The following VPS41 variants were observed in gnomAD, a reference collection of about 807,000 sequenced individuals.
The protein encoded by VPS41 is VPS41 subunit of HOPS complex.
VPS41 carries 85 observed loss-of-function variants against 130.9 expected under a neutral mutation model. The observed-to-expected ratio is 0.65, with a 90% CI of 0.55 to 0.78. The LOEUF is 0.78. Among genes scored for constraint, VPS41 ranks in the 30% least tolerant of loss-of-function variants. The pLI is 0.00. For missense variants in VPS41, 874 were observed against 1,018.7 expected, an observed-to-expected ratio of 0.86 and a Z score of 1.93; for synonymous variants, 335 against 332.9, an observed-to-expected ratio of 1.01 and a Z score of -0.07.
intron 7 of VPS41, among the ~76,000 whole-genome samples, chr7:38,805,661 C>T (rs546614640): frequency 6.6e-6 from 1 of 152,136 alleles, no homozygotes; most frequent in African/African-American, 2.4e-5. Context: ...CTTACCATCT[C>T]TATGAAAAAC....
chr7:38,903,483 T>C (rs915044510), intron 1 of VPS41, among the ~76,000 whole-genome samples: 3 of 152,008 alleles, frequency 2.0e-5, no homozygotes, highest in Non-Finnish European at 4.4e-5. Context: ...ACTCCAAACT[T>C]TGCAGGAGGG....
intron 4 of VPS41, among the ~76,000 whole-genome samples, chr7:38,850,225 A>G (rs1483604526): frequency 6.6e-6 from 1 of 152,186 alleles, no homozygotes; most frequent in Non-Finnish European, 1.5e-5. Flanking sequence ...TGCCAAGTTG[A>G]TGGTTATAAA....
intron 5 of VPS41, among the ~76,000 whole-genome samples, chr7:38,821,911 G>A (rs1785179822): frequency 1.3e-5 from 2 of 151,926 alleles, no homozygotes; most frequent in African/African-American, 2.4e-5. Flanking sequence ...ACTTCCATAA[G>A]CTGTCCCTAA....
chr7:38,859,982 T>C (rs1009264065), intron 4 of VPS41, among the ~76,000 whole-genome samples: 1 of 152,234 alleles, frequency 6.6e-6, no homozygotes, highest in African/African-American at 2.4e-5. Context: ...TTCTTTCAAA[T>C]ATTCTGAAAT....
intron 4 of VPS41, among the ~76,000 whole-genome samples, chr7:38,832,265 A>G: frequency 6.9e-6 from 1 of 145,864 alleles, no homozygotes; most frequent in East Asian, 2.0e-4. Flanking sequence ...GATGGTTATT[A>G]CTTTATTTCT....
chr7:38,829,210 G>T (rs1785337340), intron 5 of VPS41, among the ~76,000 whole-genome samples: 1 of 152,172 alleles, frequency 6.6e-6, no homozygotes, highest in African/African-American at 2.4e-5. Context: ...AAAAGCACTA[G>T]TGTTCCAATT....
At chr7:38,842,806 G>A (rs1010896483) in intron 4 of VPS41, among the ~76,000 whole-genome samples, 3 of 152,300 alleles carry the variant, frequency 2.0e-5, no homozygotes, top group South Asian at 2.1e-4. Flanking sequence ...CTGCAGGATG[G>A]CATACCCCTC....
chr7:38,893,509 A>G (rs1786910580), intron 2 of VPS41, among the ~76,000 whole-genome samples: 1 of 152,258 alleles, frequency 6.6e-6, no homozygotes, highest in Non-Finnish European at 1.5e-5. Flanking sequence ...AAGATAATGT[A>G]CTTCTTTGTT....
chr7:38,821,620 T>C (rs181177135), intron 5 of VPS41, among the ~76,000 whole-genome samples: 72 of 149,732 alleles, frequency 4.8e-4, no homozygotes, highest in Non-Finnish European at 1.2e-4. Context: ...GATAGGAGAA[T>C]TGCTTGAACC....
intron 10 of VPS41, among the ~76,000 whole-genome samples, chr7:38,788,458 C>A (rs191478697): frequency 6.6e-6 from 1 of 152,276 alleles, no homozygotes; most frequent in African/African-American, 2.4e-5. Flanking sequence ...CAGCACAATG[C>A]CCTCCACCTA....
chr7:38,906,502 CTAATTTTTG>C (rs1169805514), intron 1 of VPS41, among the ~76,000 whole-genome samples: 1 of 152,100 alleles, frequency 6.6e-6, no homozygotes, highest in Non-Finnish European at 1.5e-5. Flanking sequence ...CCATGCCTGG[CTAATTTTTG>C]TAATTTTTGT....
chr7:38,860,151 G>T (rs1786074730), intron 4 of VPS41, among the ~76,000 whole-genome samples: 1 of 152,126 alleles, frequency 6.6e-6, no homozygotes, highest in Non-Finnish European at 1.5e-5. Flanking sequence ...TTTACAAAAT[G>T]ATCTCTGAAC....
At chr7:38,774,318 C>A in intron 11 of VPS41, 74 bp from the exon 12 acceptor site, 1 of 1,358,418 alleles carries the variant, frequency 7.4e-7, no homozygotes. Context: ...TCTAGTTAGC[C>A]ATACATATTA....
At chr7:38,857,418 T>C (rs924070610) in intron 4 of VPS41, among the ~76,000 whole-genome samples, 6 of 152,238 alleles carry the variant, frequency 3.9e-5, no homozygotes, top group African/African-American at 1.4e-4. Flanking sequence ...TAGAAATTTA[T>C]GTTTGATCAG....
At chr7:38,813,532 G>A (rs2116078394) in intron 7 of VPS41, among the ~76,000 whole-genome samples, 1 of 152,230 alleles carries the variant, frequency 6.6e-6, no homozygotes, top group South Asian at 2.1e-4. Context: ...TGCAAATTAT[G>A]TATCAATAAA....
chr7:38,758,270 C>T (rs1005178966), intron 18 of VPS41, 84 bp downstream of exon 18: 201 of 1,280,232 alleles, frequency 1.6e-4, no homozygotes, highest in Middle Eastern at 5.0e-4. Flanking sequence ...TACATCTTCT[C>T]CACTTGGAGT....
chr7:38,805,376 T>C (rs751183404), intron 7 of VPS41, among the ~76,000 whole-genome samples: 2 of 151,786 alleles, frequency 1.3e-5, no homozygotes, highest in Non-Finnish European at 2.9e-5. Context: ...CTACTAAAAA[T>C]ACAAAAATTA....
intron 4 of VPS41, among the ~76,000 whole-genome samples, chr7:38,842,702 T>C (rs1037359870): frequency 6.6e-6 from 1 of 152,228 alleles, no homozygotes; most frequent in Non-Finnish European, 1.5e-5. Context: ...AGGCCATGCA[T>C]AGCCTCTGTC....
chr7:38,815,656 A>G (rs1785033204), intron 7 of VPS41, among the ~76,000 whole-genome samples: 2 of 152,170 alleles, frequency 1.3e-5, no homozygotes, highest in African/African-American at 4.8e-5. Context: ...CCCACCCTCA[A>G]TCTGCATGGG....
Sources: allele counts gnomAD v4.1 joint callset (sites outside exome capture counted in the v4.1 genomes callset), GRCh38; gene constraint gnomAD v4.1.1; transcripts MANE v1.5; gene names NCBI Gene and HGNC (gene_info 2026-07-23, HGNC 2026-07-21).